The following FANCA variants were observed in gnomAD, a reference collection of about 807,000 sequenced individuals.
The protein encoded by FANCA is Fanconi anemia group A protein.
FANCA carries 236 observed loss-of-function variants against 194.3 expected under a neutral mutation model. The ratio of observed to expected loss-of-function variants is 1.21; its 90% confidence interval spans 1.09 to 1.35. The LOEUF is 1.35. FANCA is among the 40% of genes most tolerant of loss of function. The pLI is 0.00. For missense variants in FANCA, 2,628 were observed against 1,813.9 expected, an observed-to-expected ratio of 1.45 and a Z score of -8.15; for synonymous variants, 1,014 against 715.8, an observed-to-expected ratio of 1.42 and a Z score of -6.65.
chr16:89,759,023 A>G (rs11863281), intron 29 of FANCA, among the ~76,000 whole-genome samples: 1 of 152,106 alleles, frequency 6.6e-6, no homozygotes, highest in East Asian at 1.9e-4. Flanking sequence ...ATAGGCAAGC[A>G]CAAAAATGTA....
chr16:89,766,897 C>T (rs1482469143), intron 27 of FANCA, among the ~76,000 whole-genome samples: 1 of 152,228 alleles, frequency 6.6e-6, no homozygotes, highest in African/African-American at 2.4e-5. Context: ...CTTCATACAA[C>T]TTCACTTTAC....
intron 3 of FANCA, among the ~76,000 whole-genome samples, chr16:89,811,350 T>C (rs921377889): frequency 4.6e-5 from 7 of 152,236 alleles, no homozygotes; most frequent in Non-Finnish European, 5.9e-5. Flanking sequence ...TAAAGAAATA[T>C]ATTCTGACCA....
chr16:89,798,740 T>A (rs1387656584), intron 10 of FANCA: 15 of 1,355,522 alleles, frequency 1.1e-5, no homozygotes, highest in Non-Finnish European at 1.4e-5. Context: ...GCAGGATCTG[T>A]GGAGGCCAGG....
At chr16:89,738,785 T>G in intron 42 of FANCA, 77 bp from the exon 43 acceptor site, 1 of 1,612,996 alleles carries the variant, frequency 6.2e-7, no homozygotes, top group Non-Finnish European at 8.5e-7. Context: ...CTGGCAGAAA[T>G]AGTCGAGTTG....
intron 31 of FANCA, among the ~76,000 whole-genome samples, chr16:89,750,780 AAAACAAAACAAC>A: frequency 6.6e-6 from 1 of 151,634 alleles, no homozygotes; most frequent in African/African-American, 2.4e-5. Context: ...CAGACAAAAC[AAAACAAAACAAC>A]AACAAAAAAA....
intron 14 of FANCA, among the ~76,000 whole-genome samples, chr16:89,790,626 G>A (rs1473454651): frequency 6.6e-6 from 1 of 151,888 alleles, no homozygotes; most frequent in Non-Finnish European, 1.5e-5. Context: ...CTACTCAGGA[G>A]GCTGAGGCAG....
intron 30 of FANCA, among the ~76,000 whole-genome samples, chr16:89,753,301 G>A (rs188033087): frequency 1.3e-5 from 2 of 152,090 alleles, no homozygotes; most frequent in African/African-American, 2.4e-5. Flanking sequence ...AGCGCAGCCC[G>A]ACACTCGGGG....
chr16:89,803,174 A>G (rs2040516423), intron 8 of FANCA, 85 bp downstream of exon 8: 1 of 1,280,918 alleles, frequency 7.8e-7, no homozygotes, highest in Non-Finnish European at 1.1e-6. Flanking sequence ...AGCACGTTTC[A>G]ATAGAGAGAC....
At chr16:89,773,707 C>T (rs1478603700) in intron 21 of FANCA, among the ~76,000 whole-genome samples, 2 of 151,836 alleles carry the variant, frequency 1.3e-5, no homozygotes, top group Non-Finnish European at 2.9e-5. Flanking sequence ...CAAGGAGGAT[C>T]GAGGGCTGGC....
At chr16:89,791,887 C>A (rs2040087701) in intron 13 of FANCA, 40 bp downstream of exon 13, 1 of 1,613,476 alleles carries the variant, frequency 6.2e-7, no homozygotes, top group Admixed American at 1.7e-5. Context: ...CCCCTACACA[C>A]ACTCTTGACC....
intron 5 of FANCA, 25 bp downstream of exon 5, chr16:89,810,682 G>C (rs762793928): frequency 7.0e-7 from 1 of 1,428,942 alleles, no homozygotes; most frequent in South Asian, 1.1e-5. Context: ...ACACTGGAGA[G>C]TCAGATTTGC....
chr16:89,739,581 ACT>A lies in FANCA; in HGVS notation c.3935-30_3935-29del, dbSNP rs1007466072. The A allele has an allele frequency of 3.9e-6, 6 of 1,549,044 alleles. 1 individual carries two copies. In the African/African-American group the frequency reaches 5.5e-5, roughly 14 times the overall value. ...GCAACACCAAGAAGTGGCTCAGGCA[ACT>A]CTGGACATCTCTGCCTATTATCAGT... On this transcript the variant is annotated intron_variant, in intron 39 of 42. Coordinates refer to ENST00000389301, the MANE Select transcript of FANCA (RefSeq NM_000135.4).
At chr16:89,754,087 T>G (rs1408777847) in intron 30 of FANCA, among the ~76,000 whole-genome samples, 2 of 151,962 alleles carry the variant, frequency 1.3e-5, no homozygotes, top group African/African-American at 4.8e-5. Context: ...CTGGGCATGG[T>G]GGCGGGTGCC....
At chr16:89,772,696 G>T (rs1188597869) in intron 22 of FANCA, among the ~76,000 whole-genome samples, 1 of 151,314 alleles carries the variant, frequency 6.6e-6, no homozygotes, top group African/African-American at 2.4e-5. Context: ...GCAGTCACCT[G>T]TAATCCTAGC....
chr16:89,746,655 G>C lies in FANCA; in HGVS notation c.3442C>G (p.Pro1148Ala). 1 of 1,614,144 alleles carries C rather than the reference G, an allele frequency of 6.2e-7. No individual in the cohort carries two copies. Among genetic ancestry groups the C allele is most frequent in the South Asian group, 1.1e-5 (1 of 91,072 alleles). Residue 1148 changes from proline to alanine, a missense_variant, in exon 35 of 43, where the codon CCC becomes GCC. Transcript: ENST00000389301. Reference sequence around the variant, plus strand: ...AGTATGAAGTCGACCATCAGGGAGGGGTCTCTGCTCCGCAGACAGGCGTTC... The same window carrying C: ...AGTATGAAGTCGACCATCAGGGAGGCGTCTCTGCTCCGCAGACAGGCGTTC... ...LLNACLRSRD[P>A]SLMVDFILAK...
In FANCA at chr16:89,744,292, C is replaced by G. The variant is rs146228843; in HGVS notation, c.3626+667G>C. Among the ~76,000 whole-genome samples, 12 of 152,294 alleles carry G rather than the reference C, an allele frequency of 7.9e-5. No homozygotes were observed. The East Asian group carries it at 2.3e-3, about 29-fold the overall frequency. ...AACTAGTCACAAAGTAAGGTGTTCT[C>G]CAAGGAGGCAGGATGGGTACTAGCA... On this transcript the variant is annotated intron_variant, in intron 36 of 42. Transcript: ENST00000389301.
chr16:89,775,120 C>T (rs1274633101), intron 21 of FANCA, among the ~76,000 whole-genome samples: 1 of 151,956 alleles, frequency 6.6e-6, no homozygotes, highest in Non-Finnish European at 1.5e-5. Context: ...GAAGCAGCAG[C>T]CTCAGATCTA....
intron 15 of FANCA, among the ~76,000 whole-genome samples, chr16:89,783,585 A>G (rs1266008010): frequency 1.3e-5 from 2 of 151,518 alleles, no homozygotes; most frequent in Non-Finnish European, 2.9e-5. Context: ...AACACAATAG[A>G]AGGCTGCTTC....
At chr16:89,748,190 G>A (rs55706358) in intron 33 of FANCA, among the ~76,000 whole-genome samples, 3 of 152,354 alleles carry the variant, frequency 2.0e-5, no homozygotes, top group East Asian at 3.8e-4. Flanking sequence ...ACGGGCGTGA[G>A]CCACCGCACC....
Sources: allele counts gnomAD v4.1 joint callset (sites outside exome capture counted in the v4.1 genomes callset), GRCh38; gene constraint gnomAD v4.1.1; transcripts MANE v1.5; gene names NCBI Gene and HGNC (gene_info 2026-07-23, HGNC 2026-07-21).